Variants in SUPT3H observed in about 807,000 individuals in gnomAD.
SUPT3H encodes the protein SPT3 homolog, SAGA and STAGA complex component, also known as transcription initiation protein SPT3 homolog.
Under a neutral mutation model 44.3 loss-of-function variants are expected in SUPT3H, and 44 were observed. The ratio of observed to expected loss-of-function variants is 0.99; its 90% CI spans 0.78 to 1.28. SUPT3H has a LOEUF of 1.28. Ranked by LOEUF, SUPT3H falls within the 50% of genes most tolerant of loss-of-function variation. The pLI is 0.00. For missense variants in SUPT3H, 380 were observed against 387.1 expected, an observed-to-expected ratio of 0.98 and a Z score of 0.15; for synonymous variants, 124 against 125.6, an observed-to-expected ratio of 0.99 and a Z score of 0.09.
At chr6:45,006,673 G>A (rs999483603) in intron 5 of SUPT3H, among the ~76,000 whole-genome samples, 1 of 151,968 alleles carries the variant, frequency 6.6e-6, no homozygotes, top group Non-Finnish European at 1.5e-5. Context: ...GAGACCTTCA[G>A]AACACTTTCA....
intron 2 of SUPT3H, among the ~76,000 whole-genome samples, chr6:45,206,663 T>C (rs1035243459): frequency 2.6e-5 from 4 of 152,070 alleles, no homozygotes; most frequent in Non-Finnish European, 5.9e-5. Context: ...AAGACAGACC[T>C]ATTACAAGAA....
intron 6 of SUPT3H, among the ~76,000 whole-genome samples, chr6:44,987,876 G>A (rs1780036339): frequency 6.6e-6 from 1 of 152,122 alleles, no homozygotes; most frequent in South Asian, 2.1e-4. Context: ...AAGGGAAGAA[G>A]TGCAAAAAGT....
intron 2 of SUPT3H, among the ~76,000 whole-genome samples, chr6:45,293,746 A>G (rs1002354539): frequency 2.6e-5 from 4 of 152,194 alleles, no homozygotes; most frequent in African/African-American, 9.6e-5. Context: ...GAAGAAATGG[A>G]TAAATTCTTG....
At chr6:44,817,459 T>TA (rs1766989235) in intron 11 of SUPT3H, among the ~76,000 whole-genome samples, 1 of 152,138 alleles carries the variant, frequency 6.6e-6, no homozygotes. Context: ...TTCAATAGTG[T>TA]ACTGGAGATC....
intron 2 of SUPT3H, among the ~76,000 whole-genome samples, chr6:45,130,699 AAAAAAAAAACCAC>A (rs1803309624): frequency 7.5e-6 from 1 of 133,528 alleles, no homozygotes; most frequent in Admixed American, 7.3e-5. Context: ...AAAAAAAACA[AAAAAAAAAACCAC>A]TTTTTTTTTT....
At chr6:44,920,285 T>C in intron 10 of SUPT3H, among the ~76,000 whole-genome samples, 1 of 151,990 alleles carries the variant, frequency 6.6e-6, no homozygotes, top group East Asian at 1.9e-4. Context: ...TAAAAGAAAA[T>C]TTCCCACTGG....
At chr6:45,076,195 T>C (rs1404936160) in intron 3 of SUPT3H, among the ~76,000 whole-genome samples, 1 of 152,170 alleles carries the variant, frequency 6.6e-6, no homozygotes, top group Non-Finnish European at 1.5e-5. Context: ...TAAATGTTCC[T>C]GCCAAACAGG....
intron 5 of SUPT3H, among the ~76,000 whole-genome samples, chr6:45,014,244 A>G (rs971809287): frequency 1.4e-4 from 22 of 152,184 alleles, no homozygotes; most frequent in African/African-American, 5.3e-4. Context: ...AATGAATGAG[A>G]GGACATCAAA....
intron 4 of SUPT3H, among the ~76,000 whole-genome samples, chr6:45,019,543 C>G (rs1469622413): frequency 6.6e-6 from 1 of 151,910 alleles, no homozygotes; most frequent in Admixed American, 6.6e-5. Context: ...TCCTTTGTAG[C>G]TTGTTCTATG....
At chr6:45,070,556 A>G (rs1794204162) in intron 3 of SUPT3H, among the ~76,000 whole-genome samples, 1 of 151,738 alleles carries the variant, frequency 6.6e-6, no homozygotes, top group African/African-American at 2.4e-5. Flanking sequence ...CCTGCCCAAC[A>G]TGGTGAAACC....
chr6:45,333,075 G>A (rs1157501568), intron 2 of SUPT3H, among the ~76,000 whole-genome samples: 3 of 151,650 alleles, frequency 2.0e-5, no homozygotes, highest in African/African-American at 7.3e-5. Flanking sequence ...ACTGTCTAAA[G>A]CATGTGAAAA....
At chr6:45,310,500 A>G (rs1783767175) in intron 2 of SUPT3H, among the ~76,000 whole-genome samples, 1 of 152,202 alleles carries the variant, frequency 6.6e-6, no homozygotes, top group Non-Finnish European at 1.5e-5. Context: ...TTAAACCACC[A>G]AAGCTAAGAA....
chr6:45,352,664 C>G (rs1247649998), intron 2 of SUPT3H, among the ~76,000 whole-genome samples: 1 of 152,036 alleles, frequency 6.6e-6, no homozygotes, highest in Non-Finnish European at 1.5e-5. Flanking sequence ...GCAACTGTAC[C>G]TAGTATTCTG....
rs528266817 is a variant in SUPT3H, at chr6:45,154,339, AAAG to A, written c.102-48336_102-48334del. On this transcript the variant is annotated intron_variant, in intron 2 of 10. Coordinates refer to ENST00000371459, the MANE Select transcript of SUPT3H (RefSeq NM_003599.4). ...GAAGAAATGACTGAACAATTAAAAA[AAAG>A]AAGAAGAAGAAAACTTCCAAGAATG... Among the ~76,000 whole-genome samples the A allele has an allele frequency of 9.2e-3, 1,394 of 152,252 alleles. 14 individuals are homozygous for A. The highest frequency in any genetic ancestry group is 0.028 in the South Asian group (137 of 4,826).
chr6:45,285,012 T>C (rs1716122486), intron 2 of SUPT3H, among the ~76,000 whole-genome samples: 1 of 151,986 alleles, frequency 6.6e-6, no homozygotes, highest in African/African-American at 2.4e-5. Context: ...TCTCAATAGA[T>C]GCAGAAAAGG....
chr6:45,172,214 A>G (rs1394785355), intron 2 of SUPT3H, among the ~76,000 whole-genome samples: 3 of 151,558 alleles, frequency 2.0e-5, no homozygotes, highest in African/African-American at 7.3e-5. Context: ...CTGGGACTAT[A>G]GGCTCACGCT....
intron 2 of SUPT3H, among the ~76,000 whole-genome samples, chr6:45,236,762 A>G (rs141993211): frequency 0.017 from 2,659 of 152,068 alleles, 50 homozygotes; most frequent in South Asian, 0.084. Flanking sequence ...CAACAGGGAA[A>G]TATTATAGCT....
intron 2 of SUPT3H, among the ~76,000 whole-genome samples, chr6:45,285,688 A>G (rs1779106028): frequency 6.6e-6 from 1 of 152,186 alleles, no homozygotes; most frequent in African/African-American, 2.4e-5. Flanking sequence ...TTATAGATTC[A>G]ATGCCATCCC....
intron 2 of SUPT3H, among the ~76,000 whole-genome samples, chr6:45,137,998 G>C (rs1171589251): frequency 6.6e-6 from 1 of 151,952 alleles, no homozygotes; most frequent in Admixed American, 6.6e-5. Context: ...AATATAAAAA[G>C]AACACATAAA....
Sources: allele counts gnomAD v4.1 joint callset (sites outside exome capture counted in the v4.1 genomes callset), GRCh38; gene constraint gnomAD v4.1.1; transcripts MANE v1.5; gene names NCBI Gene and HGNC (gene_info 2026-07-23, HGNC 2026-07-21).